Variants in RSRC1 observed in about 807,000 individuals in gnomAD.
RSRC1 encodes the protein arginine and serine rich coiled-coil 1, also known as serine/Arginine-related protein 53.
RSRC1 carries 39 observed loss-of-function variants against 49.1 expected under a neutral mutation model. The observed-to-expected ratio is 0.79, with a 90% CI of 0.61 to 1.04. RSRC1 has a LOEUF of 1.04. RSRC1 is among the 50% of genes least tolerant of loss of function. The pLI, the probability that RSRC1 is intolerant of heterozygous loss-of-function variation, is 0.00. For synonymous variants in RSRC1, 143 were observed against 130.8 expected (o/e 1.09, Z -0.63); for missense variants, 388 against 402.4 (o/e 0.96, Z 0.31).
intron 4 of RSRC1, among the ~76,000 whole-genome samples, chr3:158,228,029 T>A (rs1347989831): frequency 1.3e-5 from 2 of 152,046 alleles, no homozygotes; most frequent in African/African-American, 2.4e-5. Context: ...TAGATTTTTT[T>A]ATCATACTTC....
chr3:158,361,988 G>C (rs1731501114), intron 6 of RSRC1, among the ~76,000 whole-genome samples: 1 of 152,058 alleles, frequency 6.6e-6, no homozygotes, highest in African/African-American at 2.4e-5. Context: ...TTAATATTTA[G>C]TTGTTTCATG....
intron 6 of RSRC1, among the ~76,000 whole-genome samples, chr3:158,369,193 AATAT>A (rs1419384977): frequency 6.6e-6 from 1 of 152,066 alleles, no homozygotes; most frequent in Non-Finnish European, 1.5e-5. Context: ...AGCCAAGCAA[AATAT>A]TTGGAGTTTA....
chr3:158,274,763 G>A (rs1321631438), intron 4 of RSRC1, among the ~76,000 whole-genome samples: 2 of 152,172 alleles, frequency 1.3e-5, no homozygotes, highest in Non-Finnish European at 2.9e-5. Flanking sequence ...CACAAGTGAT[G>A]GCCCAACTTT....
At position 158,517,800 on chromosome 3, in the gene RSRC1, A is replaced by G. The variant is rs1740658230; in HGVS notation, c.653-19292A>G. Among the ~76,000 whole-genome samples the G allele has an allele frequency of 4.0e-5, 4 of 99,652 alleles. No individual in the cohort carries two copies. The South Asian group carries it at 1.3e-3, about 32-fold the overall frequency. The allele number at this position is 99,652 out of a possible 152,430, so 65.4% of individuals were successfully genotyped here. On this transcript the variant is annotated intron_variant, in intron 7 of 9. Coordinates refer to ENST00000611884, the MANE Select transcript of RSRC1 (RefSeq NM_001271838.2). ...TTTTTTTTTTTTTTTTTTTGTTGAG[A>G]CAGGGTCTGACCAGGTTGGTCTTGA...
At chr3:158,345,765 ATGTG>A (rs536811386) in intron 5 of RSRC1, among the ~76,000 whole-genome samples, 1 of 123,492 alleles carries the variant, frequency 8.1e-6, no homozygotes, top group African/African-American at 2.6e-5. Context: ...CATCATATAT[ATGTG>A]TGTGTGTATA....
intron 7 of RSRC1, among the ~76,000 whole-genome samples, chr3:158,471,956 A>G (rs1269706884): frequency 6.6e-6 from 1 of 152,164 alleles, no homozygotes; most frequent in Non-Finnish European, 1.5e-5. Flanking sequence ...GTTTTTTGTG[A>G]AACGACAAAA....
intron 7 of RSRC1, among the ~76,000 whole-genome samples, chr3:158,478,005 G>A (rs1295221838): frequency 1.3e-5 from 2 of 150,580 alleles, no homozygotes; most frequent in African/African-American, 4.9e-5. Context: ...AAATAATAGA[G>A]CTATGATCTC....
At chr3:158,171,064 T>C (rs1255108550) in intron 3 of RSRC1, among the ~76,000 whole-genome samples, 1 of 152,108 alleles carries the variant, frequency 6.6e-6, no homozygotes, top group Non-Finnish European at 1.5e-5. Flanking sequence ...GAGAAAGAGA[T>C]CCTCTTATTC....
At chr3:158,372,712 A>C (rs748822418) in intron 6 of RSRC1, among the ~76,000 whole-genome samples, 13 of 151,958 alleles carry the variant, frequency 8.6e-5, no homozygotes, top group Non-Finnish European at 1.8e-4. Context: ...AAACTGACTC[A>C]GATTAAAATT....
chr3:158,485,664 C>A (rs1328608479), intron 7 of RSRC1, among the ~76,000 whole-genome samples: 2 of 152,030 alleles, frequency 1.3e-5, no homozygotes, highest in Admixed American at 6.6e-5. Flanking sequence ...ACTTTTTTAA[C>A]ATTGGTGAAT....
chr3:158,334,649 T>TTGTGTGTGTGTGTGTGTGTGTGTG (rs71840277), intron 5 of RSRC1, among the ~76,000 whole-genome samples: 1 of 137,448 alleles, frequency 7.3e-6, no homozygotes, highest in African/African-American at 2.8e-5. Context: ...CCCAGCTAAT[T>TTGTGTGTGTGTGTGTGTGTGTGTG]TGTGTGTGTG....
chr3:158,494,383 C>T (rs1739217342), intron 7 of RSRC1, among the ~76,000 whole-genome samples: 1 of 152,146 alleles, frequency 6.6e-6, no homozygotes, highest in African/African-American at 2.4e-5. Flanking sequence ...AGTTGTAGAA[C>T]TGGAAGTTGC....
At chr3:158,397,008 T>C (rs1733645749) in intron 6 of RSRC1, among the ~76,000 whole-genome samples, 1 of 152,170 alleles carries the variant, frequency 6.6e-6, no homozygotes, top group South Asian at 2.1e-4. Context: ...TCAGTGATGC[T>C]CATTATTTTA....
intron 3 of RSRC1, among the ~76,000 whole-genome samples, chr3:158,174,006 G>A (rs983613612): frequency 6.6e-6 from 1 of 151,922 alleles, no homozygotes; most frequent in East Asian, 1.9e-4. Context: ...TGAAGAAAAT[G>A]CTCGCAAGTT....
chr3:158,518,140 A>AT (rs1553820473), intron 7 of RSRC1, among the ~76,000 whole-genome samples: 1 of 79,522 alleles, frequency 1.3e-5, no homozygotes, highest in Non-Finnish European at 2.2e-5. Context: ...ATATATATAT[A>AT]TATATATATT....
At chr3:158,261,559 G>A (rs1299686971) in intron 4 of RSRC1, among the ~76,000 whole-genome samples, 1 of 152,188 alleles carries the variant, frequency 6.6e-6, no homozygotes, top group African/African-American at 2.4e-5. Context: ...GTTAGTAATT[G>A]GGATGCACAG....
At chr3:158,416,523 C>T (rs1313663095) in intron 6 of RSRC1, among the ~76,000 whole-genome samples, 1 of 151,972 alleles carries the variant, frequency 6.6e-6, no homozygotes, top group Non-Finnish European at 1.5e-5. Flanking sequence ...CTGACAGCTC[C>T]ACTGAATCCC....
intron 6 of RSRC1, among the ~76,000 whole-genome samples, chr3:158,364,813 GAAAAAT>G (rs1731668430): frequency 1.5e-5 from 1 of 66,136 alleles, no homozygotes; most frequent in African/African-American, 4.5e-5. Context: ...TACAGAATGG[GAAAAAT>G]AATAATAATA....
intron 1 of RSRC1, among the ~76,000 whole-genome samples, chr3:158,119,830 G>GTT (rs1476356131): frequency 6.4e-5 from 6 of 93,144 alleles, no homozygotes; most frequent in African/African-American, 9.4e-5. Flanking sequence ...TAATTTCATA[G>GTT]TCTTTTTTTT....
Sources: allele counts gnomAD v4.1 joint callset (sites outside exome capture counted in the v4.1 genomes callset), GRCh38; gene constraint gnomAD v4.1.1; transcripts MANE v1.5; gene names NCBI Gene and HGNC (gene_info 2026-07-23, HGNC 2026-07-21).